Variants in CEACAM7 observed in about 807,000 individuals in gnomAD.
CEACAM7 encodes cell adhesion molecule CEACAM7.
CEACAM7 carries 24 observed loss-of-function variants against 25.7 expected under a neutral mutation model. That is an observed-to-expected ratio of 0.93 (90% CI 0.68 to 1.31). CEACAM7 has a LOEUF of 1.31. CEACAM7 is among the 40% of genes most tolerant of loss of function. The probability of loss-of-function intolerance (pLI) is 0.00; values close to 1 mark genes in which losing one functional copy is unlikely to be tolerated. For synonymous variants in CEACAM7, 144 were observed against 129.4 expected, an observed-to-expected ratio of 1.11 and a Z score of -0.77; for missense variants, 324 against 330.1, an observed-to-expected ratio of 0.98 and a Z score of 0.14.
chr19:41,683,111 A>T (rs1263401907), intron 3 of CEACAM7, among the ~76,000 whole-genome samples: 1 of 152,212 alleles, frequency 6.6e-6, no homozygotes, highest in Non-Finnish European at 1.5e-5. Flanking sequence ...CCATCTCAAA[A>T]TATGATGCCA....
chr19:41,685,974 CAAAA>C (rs1172007830), intron 2 of CEACAM7, among the ~76,000 whole-genome samples: 5 of 152,198 alleles, frequency 3.3e-5, no homozygotes, highest in Admixed American at 3.3e-4. Flanking sequence ...TTTCCTTTAA[CAAAA>C]TGAGATAAAG....
rs150543831 is a variant in CEACAM7 at position 41,686,991 on chromosome 19, G to C, written c.295C>G (p.Arg99Gly). 4 of 1,613,410 alleles carry C rather than the reference G, an allele frequency of 2.5e-6. No individual in the cohort carries two copies. Among genetic ancestry groups the C allele is most frequent in the Non-Finnish European group, 2.5e-6 (3 of 1,179,722 alleles). Residue 99 changes from arginine to glycine, a missense_variant, in exon 2 of 5, where the codon CGA becomes GGA. Coordinates refer to ENST00000401731, the MANE Select transcript of CEACAM7 (RefSeq NM_001291485.2). The part of the protein sequence containing the change: ...ENAPGPAHNG[R>G]ETIYPNGTLL... ...GTTCCATTGGGGTATATTGTCTCTC[G>C]ACCGTTGTGTGCGGGCCCTGGGGCA...
At chr19:41,679,423 C>T (rs2072149552) in intron 3 of CEACAM7, among the ~76,000 whole-genome samples, 1 of 152,090 alleles carries the variant, frequency 6.6e-6, no homozygotes, top group Non-Finnish European at 1.5e-5. Context: ...GAAACTACCT[C>T]AAATATAATA....
chr19:41,676,040 A>G (rs2072110802), intron 4 of CEACAM7, among the ~76,000 whole-genome samples: 1 of 152,194 alleles, frequency 6.6e-6, no homozygotes, highest in Non-Finnish European at 1.5e-5. Context: ...AACAATGTAT[A>G]AGCTTATGTA....
rs1555809847 is a variant in CEACAM7, at chr19:41,673,897, G to GTT, written c.*878_*879insAA. 1 of 152,152 alleles carries GTT rather than the reference G, an allele frequency of 6.6e-6. No homozygotes were observed. Among genetic ancestry groups the GTT allele is most frequent in the Non-Finnish European group, 1.5e-5 (1 of 68,040 alleles). The allele number at this position is 152,152 out of a possible 1,614,324, so 9.4% of individuals were successfully genotyped here. On this transcript the variant is annotated 3_prime_UTR_variant, in exon 5 of 5. Transcript: ENST00000401731. The stretch of plus-strand genomic sequence containing the variant: ...AGCACACCAGGGTAACTAATATTGT[G>GTT]ACAATCAGGAGGATCACACCAAGAG...
In CEACAM7 at chr19:41,687,045, C is replaced by T. The variant is rs538054404; in HGVS notation, c.241G>A (p.Gly81Arg). Residue 81 changes from glycine (G) to arginine (R), a missense_variant, in exon 2 of 5, where the codon GGA becomes AGA. Transcript: ENST00000401731. Reference sequence around the variant, plus strand: ...TCTTGACTTATATTTTTTACATATCCTATAATTCGATAGTTGGCATGCACC... The same window carrying T: ...TCTTGACTTATATTTTTTACATATCTTATAATTCGATAGTTGGCATGCACC... Reference protein sequence around the residue: ...ERVHANYRIIGYVKNISQENA... With the variant: ...ERVHANYRIIRYVKNISQENA... The T allele has an allele frequency of 1.5e-5, 24 of 1,614,018 alleles. No homozygotes were observed. The East Asian group carries it at 4.7e-4, about 31-fold the overall frequency.
At chr19:41,682,331 C>T (rs782286560) in intron 3 of CEACAM7, among the ~76,000 whole-genome samples, 28 of 150,996 alleles carry the variant, frequency 1.9e-4, no homozygotes, top group Admixed American at 5.9e-4. Flanking sequence ...CTCTTATCCT[C>T]GCTATAAATA....
rs1555810969 is a variant in CEACAM7 at position 41,684,029 on chromosome 19, G to T, written c.462C>A (p.Asn154Lys). The T allele has an allele frequency of 1.9e-6, 3 of 1,614,196 alleles. No homozygotes were observed. In the East Asian group the frequency reaches 6.7e-5, roughly 36 times the overall value. Residue 154 changes from asparagine (N) to lysine (K), a missense_variant, in exon 3 of 5, where the codon AAC (asparagine) becomes AAA (lysine). Coordinates refer to ENST00000401731, the MANE Select transcript of CEACAM7 (RefSeq NM_001291485.2). ...TATCTTTGTTCTCCACCGGATTGAAGTTGTTGCTGGTGATGGAGGGCTTGG... is the reference window on the plus strand; with the variant it reads ...TATCTTTGTTCTCCACCGGATTGAATTTGTTGCTGGTGATGGAGGGCTTGG... Reference protein sequence around the residue: ...EPPKPSITSNNFNPVENKDIV... With the variant: ...EPPKPSITSNKFNPVENKDIV...
chr19:41,679,968 ATTTTT>A (rs35163344), intron 3 of CEACAM7, among the ~76,000 whole-genome samples: 177 of 68,858 alleles, frequency 2.6e-3, no homozygotes, highest in Middle Eastern at 0.01. Context: ...CACCTGGCTA[ATTTTT>A]TTTTTTTTTT....
intron 2 of CEACAM7, among the ~76,000 whole-genome samples, chr19:41,684,787 A>T (rs1305269458): frequency 6.6e-6 from 1 of 152,244 alleles, no homozygotes; most frequent in African/African-American, 2.4e-5. Context: ...GATGTGTGTT[A>T]TGTTAGGAAA....
chr19:41,682,781 T>A (rs2072188014), intron 3 of CEACAM7, among the ~76,000 whole-genome samples: 2 of 152,210 alleles, frequency 1.3e-5, no homozygotes, highest in Admixed American at 1.3e-4. Flanking sequence ...TCCTTGTAGC[T>A]CATGAATTAG....
chr19:41,683,802 AC>A lies in CEACAM7; in HGVS notation c.688del (p.Val230SerfsTer3), dbSNP rs1369996982. The A allele has an allele frequency of 8.7e-6, 14 of 1,614,160 alleles. No homozygotes were observed. Among genetic ancestry groups the A allele is most frequent in the Non-Finnish European group, 1.2e-5 (14 of 1,180,018 alleles). On this transcript the variant is annotated frameshift_variant, in exon 3 of 5. Coordinates refer to ENST00000401731, the MANE Select transcript of CEACAM7 (RefSeq NM_001291485.2). LOFTEE classifies it high-confidence loss of function. ...ATACTCACAGCGGACATTCAGGGTG[AC>A]TGGGTCACTGCGGCTGGCACCCACT... ...NPVGASRSDPVTLNVRYESVQ... is the reference protein window; with the variant it reads ...NPVGASRSDPXTLNVRYESVQ...
chr19:41,681,988 G>T (rs369576428), intron 3 of CEACAM7, among the ~76,000 whole-genome samples: 2 of 152,082 alleles, frequency 1.3e-5, no homozygotes, highest in Admixed American at 1.3e-4. Context: ...CTCTGTCACC[G>T]AGGCTGGAAT....
At chr19:41,682,448 G>T (rs189946561) in intron 3 of CEACAM7, among the ~76,000 whole-genome samples, 3 of 152,320 alleles carry the variant, frequency 2.0e-5, no homozygotes, top group African/African-American at 7.2e-5. Context: ...TGTGTCCACA[G>T]CGTCATACAG....
intron 3 of CEACAM7, 128 bp from the exon 4 acceptor site, chr19:41,677,631 G>A (rs1199450476): frequency 1.6e-6 from 1 of 610,660 alleles, no homozygotes; most frequent in Non-Finnish European, 2.9e-6. Context: ...TTTGTGGGAA[G>A]GTTGCTGGGA....
At chr19:41,680,371 A>G (rs188325508) in intron 3 of CEACAM7, among the ~76,000 whole-genome samples, 1 of 152,250 alleles carries the variant, frequency 6.6e-6, no homozygotes, top group Admixed American at 6.5e-5. Context: ...TATTAATGCA[A>G]TCCCTACCAG....
intron 3 of CEACAM7, among the ~76,000 whole-genome samples, chr19:41,680,543 C>T (rs2072164340): frequency 6.6e-6 from 1 of 152,156 alleles, no homozygotes; most frequent in African/African-American, 2.4e-5. Context: ...CAGTGTGGTA[C>T]TGGCATAAAG....
chr19:41,677,433 C>T lies in CEACAM7; in HGVS notation c.777G>A (p.Leu259=). Residue 259 remains leucine, a synonymous_variant, in exon 4 of 5, where the codon CTG becomes CTA. Transcript: ENST00000401731. Reference sequence around the variant, plus strand: ...GCTGCTATATCAGAGCCATCCCAGCCAGTACTCCAATCATGATGCTGACAG... The same window carrying T: ...GCTGCTATATCAGAGCCATCCCAGCTAGTACTCCAATCATGATGCTGACAG... ...GTAVSIMIGV[L]AGMALI is the part of the protein sequence containing the mutation. 6.2e-7 allele frequency: 1 copy of T among 1,613,914 alleles called. No homozygotes were observed.
chr19:41,679,799 C>T (rs1000592013), intron 3 of CEACAM7, among the ~76,000 whole-genome samples: 3 of 94,232 alleles, frequency 3.2e-5, no homozygotes, highest in East Asian at 2.9e-4. Flanking sequence ...CTCTCTCTCT[C>T]TCTTTTTTTT....
Sources: allele counts gnomAD v4.1 joint callset (sites outside exome capture counted in the v4.1 genomes callset), GRCh38; gene constraint gnomAD v4.1.1; transcripts MANE v1.5; gene names NCBI Gene and HGNC (gene_info 2026-07-23, HGNC 2026-07-21).